TEX11: variants seen among roughly 807,000 people sequenced by gnomAD.
TEX11 encodes testis expressed 11.
In TEX11, 7 loss-of-function variants were observed where a neutral mutation model predicts 84.4. That is an observed-to-expected ratio of 0.08 (90% CI 0.05 to 0.16). The LOEUF (loss-of-function observed/expected upper bound fraction) is 0.16, where lower values mean the gene tolerates loss of function less well. Ranked by LOEUF, TEX11 falls within the 10% of genes least tolerant of loss-of-function variation. TEX11 has a pLI of 1.00. For missense variants in TEX11, 551 were observed against 660.5 expected, an observed-to-expected ratio of 0.83 and a Z score of 1.82; for synonymous variants, 264 against 222.8, an observed-to-expected ratio of 1.18 and a Z score of -1.64.
At chrX:70,811,031 AT>A (rs934675246) in intron 8 of TEX11, among the ~76,000 whole-genome samples, 1 of 111,420 alleles carries the variant, frequency 9.0e-6, no homozygotes, top group African/African-American at 3.3e-5. Flanking sequence ...ATTTTTTAAA[AT>A]TTTTTTATTA....
At chrX:70,610,573 C>T (rs2089249395) in intron 20 of TEX11, 30 bp from the exon 21 acceptor site, 1 of 1,178,786 alleles carries the variant, frequency 8.5e-7, no homozygotes, top group East Asian at 3.0e-5. Flanking sequence ...TATTTTCCAA[C>T]TGCTCCAAAT....
At chrX:70,569,915 G>C (rs2088565092) in intron 25 of TEX11, among the ~76,000 whole-genome samples, 1 of 111,777 alleles carries the variant, frequency 8.9e-6, no homozygotes, top group African/African-American at 3.3e-5. Flanking sequence ...TGTGTGCTGG[G>C]AGAACCACTG....
intron 9 of TEX11, among the ~76,000 whole-genome samples, chrX:70,757,209 C>T (rs2090873565): frequency 9.0e-6 from 1 of 111,588 alleles, no homozygotes; most frequent in Non-Finnish European, 1.9e-5. Context: ...GGATATTATC[C>T]AGGAGACCTT....
chrX:70,721,102 G>T (rs1437049820), intron 13 of TEX11, among the ~76,000 whole-genome samples: 1 of 111,361 alleles, frequency 9.0e-6, no homozygotes, highest in Non-Finnish European at 1.9e-5. Context: ...TACGTTAGAG[G>T]TACTTCATAA....
intron 17 of TEX11, among the ~76,000 whole-genome samples, chrX:70,641,894 C>G (rs1209573776): frequency 4.5e-5 from 5 of 111,259 alleles, no homozygotes; most frequent in African/African-American, 1.6e-4. Context: ...CAAAAGCTAA[C>G]AGAAGGCAAG....
chrX:70,534,816 G>A (rs2087935546), intron 28 of TEX11, among the ~76,000 whole-genome samples: 1 of 111,617 alleles, frequency 9.0e-6, no homozygotes, highest in Non-Finnish European at 1.9e-5. Context: ...TGTACAATAC[G>A]GTGGTTTTTA....
chrX:70,717,520 T>C (rs2090517298), intron 13 of TEX11, among the ~76,000 whole-genome samples: 1 of 111,486 alleles, frequency 9.0e-6, no homozygotes, highest in Non-Finnish European at 1.9e-5. Flanking sequence ...GGGTTTGCCA[T>C]GTTGACCAGG....
intron 25 of TEX11, among the ~76,000 whole-genome samples, chrX:70,565,645 A>G (rs4564040): frequency 0.42 from 45,642 of 107,883 alleles, 8,290 homozygotes; most frequent in East Asian, 0.58. Flanking sequence ...TCCCAGCACC[A>G]TTTATTAAAT....
intron 17 of TEX11, among the ~76,000 whole-genome samples, chrX:70,646,452 G>A (rs1406774621): frequency 8.9e-6 from 1 of 111,863 alleles, no homozygotes; most frequent in Non-Finnish European, 1.9e-5. Context: ...GTATGGAATG[G>A]GAGAATATAT....
At chrX:70,823,426 G>A (rs1174474960) in intron 8 of TEX11, among the ~76,000 whole-genome samples, 6 of 110,860 alleles carry the variant, frequency 5.4e-5, no homozygotes, top group Non-Finnish European at 1.1e-4. Flanking sequence ...CAAAAAAAAA[G>A]GTAACTATGT....
chrX:70,707,910 A>G lies in TEX11; in HGVS notation c.1004+14708T>C, dbSNP rs1487337883. ...AGTCCCCAAAAGCAATTGCAACAAA[A>G]CCAAAAATTGACAAGTGAGACTTAA... is the stretch of plus-strand genomic sequence containing the variant. On this transcript the variant is annotated intron_variant, in intron 13 of 29. Coordinates refer to ENST00000374333, the MANE Select transcript of TEX11 (RefSeq NM_031276.3). 6.0e-4 allele frequency among the ~76,000 whole-genome samples: 67 copies of G among 111,061 alleles called. No individual in the cohort carries two copies. The Admixed American group carries it at 6.5e-3, about 11-fold the overall frequency.
intron 9 of TEX11, among the ~76,000 whole-genome samples, chrX:70,782,258 A>G (rs373345035): frequency 1.8e-3 from 204 of 111,524 alleles, no homozygotes; most frequent in African/African-American, 6.5e-3. Flanking sequence ...CTTTACAGAC[A>G]AGCAAATGCT....
intron 9 of TEX11, among the ~76,000 whole-genome samples, chrX:70,778,593 T>G (rs1315749363): frequency 9.0e-6 from 1 of 111,274 alleles, no homozygotes; most frequent in Non-Finnish European, 1.9e-5. Flanking sequence ...GAGCTGGAAC[T>G]ACAGATGCAG....
intron 4 of TEX11, among the ~76,000 whole-genome samples, chrX:70,863,937 T>C (rs376813421): frequency 2.7e-5 from 3 of 111,739 alleles, no homozygotes; most frequent in African/African-American, 9.7e-5. Context: ...TACACACGTA[T>C]CAACAGCCAA....
chrX:70,640,608 C>G (rs1303689919), intron 17 of TEX11, among the ~76,000 whole-genome samples: 1 of 109,338 alleles, frequency 9.1e-6, no homozygotes, highest in Non-Finnish European at 1.9e-5. Flanking sequence ...GAGTGGGGAC[C>G]AATATTCAAC....
intron 5 of TEX11, among the ~76,000 whole-genome samples, chrX:70,860,148 T>C (rs1446139446): frequency 8.9e-6 from 1 of 111,933 alleles, no homozygotes; most frequent in African/African-American, 3.2e-5. Context: ...AATATAACTG[T>C]GTGAAGGCAT....
At chrX:70,628,130 T>G (rs746431746) in intron 18 of TEX11, among the ~76,000 whole-genome samples, 2 of 109,030 alleles carry the variant, frequency 1.8e-5, no homozygotes, top group Non-Finnish European at 3.8e-5. Context: ...CATGGGAGGC[T>G]GAGGCACAAG....
Position 70,689,080 on chromosome X carries a change from C to A in TEX11, c.1005-6255G>T, listed in dbSNP as rs190899197. Among the ~76,000 whole-genome samples the A allele has an allele frequency of 2.4e-3, 266 of 110,121 alleles. 2 individuals carry two copies. Among genetic ancestry groups the A allele is most frequent in the African/African-American group, 8.1e-3 (246 of 30,384 alleles). On this transcript the variant is annotated intron_variant, in intron 13 of 29. Coordinates refer to ENST00000374333, the MANE Select transcript of TEX11 (RefSeq NM_031276.3). ...GCTTTACATGTATACTAAAATTGAA[C>A]AATTAAAAAATTAAGTAAATGAATG... is the stretch of plus-strand genomic sequence containing the variant.
intron 5 of TEX11, among the ~76,000 whole-genome samples, chrX:70,859,402 A>C (rs1256080393): frequency 1.6e-4 from 16 of 103,104 alleles, no homozygotes; most frequent in Non-Finnish European, 5.9e-5. Context: ...ACATGGTGAA[A>C]CCCTGTCTCT....
Sources: gnomAD v4.1 joint callset for allele counts (sites outside exome capture counted in the v4.1 genomes callset) on GRCh38, gnomAD v4.1.1 for gene constraint, MANE v1.5 for transcripts, NCBI Gene and HGNC (gene_info 2026-07-23, HGNC 2026-07-21) for gene names.